The following SCARF2 variants were observed in gnomAD, a reference collection of about 807,000 sequenced individuals.
SCARF2 encodes scavenger receptor expressed by endothelial cells 2 protein.
In SCARF2, 39 loss-of-function variants were observed where a neutral mutation model predicts 73.4. That is an observed-to-expected ratio of 0.53 (90% CI 0.41 to 0.69). The LOEUF is 0.69. Among genes scored for constraint, SCARF2 ranks in the 30% least tolerant of loss-of-function variants. The probability of loss-of-function intolerance (pLI) is 0.00; values close to 1 mark genes in which losing one functional copy is unlikely to be tolerated. For missense variants in SCARF2, 1,148 were observed against 1,303.5 expected, an observed-to-expected ratio of 0.88 and a Z score of 1.84; for synonymous variants, 605 against 590.0, an observed-to-expected ratio of 1.03 and a Z score of -0.37.
chr22:20,429,607 G>A lies in SCARF2; in HGVS notation c.1353C>T (p.Val451=). The A allele has an allele frequency of 6.2e-7, 1 of 1,613,660 alleles. No homozygotes were observed. The highest frequency in any genetic ancestry group is 8.5e-7 in the Non-Finnish European group (1 of 1,179,920). ...KGVMGAGALL[V]LLVCLLLSLL... ...GCGAGAGCAGCAGGCAGACGAGCAG[G>A]ACGAGCAGCGCGCCCGCGCCCATCA... The change falls in exon 8 of 11, where the codon GTC becomes GTT. Residue 451 remains valine (V), a synonymous_variant. Transcript: ENST00000622235. The surrounding 1 kb of genome is among the most constrained non-coding windows in gnomAD (Gnocchi z 5.2).
rs761386931 is a variant in SCARF2, at chr22:20,430,425, T to A, written c.1202+4A>T. ...CAACCCCCTCCCGGTCCCGGGGCAC[T>A]CACTGGGGCCCGTGGACGCCAGGGC... On this transcript the variant is annotated splice_donor_region_variant and intron_variant, in intron 6 of 10. Coordinates refer to ENST00000622235, the MANE Select transcript of SCARF2 (RefSeq NM_182895.5). The A allele has an allele frequency of 1.3e-6, 2 of 1,587,672 alleles. No homozygotes were observed. The highest frequency in any genetic ancestry group is 1.7e-6 in the Non-Finnish European group (2 of 1,167,482).
At chr22:20,436,431 G>A (rs943898210) in intron 1 of SCARF2, among the ~76,000 whole-genome samples, 1 of 152,064 alleles carries the variant, frequency 6.6e-6, no homozygotes, top group African/African-American at 2.4e-5. Flanking sequence ...GGAGGCCCGG[G>A]AGTCCGCGGC....
intron 1 of SCARF2, among the ~76,000 whole-genome samples, chr22:20,436,163 G>GT (rs1486319694): frequency 6.6e-6 from 1 of 152,232 alleles, no homozygotes; most frequent in Non-Finnish European, 1.5e-5. Flanking sequence ...GCTGGGTAGG[G>GT]TGGCACCAGG....
Position 20,425,333 on chromosome 22 carries a change from C to T in SCARF2, c.*42G>A. 7.5e-7 allele frequency: 1 copy of T among 1,340,616 alleles called. No individual in the cohort carries two copies. The highest frequency in any genetic ancestry group is 9.6e-7 in the Non-Finnish European group (1 of 1,038,842). The allele number at this position is 1,340,616 out of a possible 1,614,324, so 83.0% of individuals were successfully genotyped here. A position where few individuals can be genotyped will look rare whatever the true frequency, so the allele number is the denominator to read the frequency against. On this transcript the variant is annotated 3_prime_UTR_variant, in exon 11 of 11. Coordinates refer to ENST00000622235, the MANE Select transcript of SCARF2 (RefSeq NM_182895.5). The surrounding 1 kb of genome is among the most constrained non-coding windows in gnomAD (Gnocchi z 4.6). ...GGGAGGTGTGGGGTGGCGGGCGGCGCTGCGAAGCTGAGGGAGCTGCGCGCG... is the reference window on the plus strand; with the variant it reads ...GGGAGGTGTGGGGTGGCGGGCGGCGTTGCGAAGCTGAGGGAGCTGCGCGCG...
Position 20,426,115 on chromosome 22 carries a change from C to T in SCARF2, c.1861G>A (p.Ala621Thr). ...SASSVEGPGG[A>T]LYARVARREA... is the part of the protein sequence containing the mutation. Reference sequence around the variant, plus strand: ...CGTCGGGCCACGCGCGCGTACAGAGCCCCTCCGGGCCCCTCCACGCTGGAC... The same window carrying T: ...CGTCGGGCCACGCGCGCGTACAGAGTCCCTCCGGGCCCCTCCACGCTGGAC... The change falls in exon 11 of 11, where the codon GCT becomes ACT. Residue 621 changes from alanine to threonine, a missense_variant. This residue lies in a region of SCARF2 where 437 missense variants were observed against 433.6 expected (regional missense o/e 1.01). Coordinates refer to ENST00000622235, the MANE Select transcript of SCARF2 (RefSeq NM_182895.5). 6.8e-7 allele frequency: 1 copy of T among 1,464,454 alleles called. No homozygotes were observed. Among genetic ancestry groups the T allele is most frequent in the East Asian group, 2.6e-5 (1 of 38,080 alleles). The allele number at this position is 1,464,454 out of a possible 1,614,324, so 90.7% of individuals were successfully genotyped here. A position where few individuals can be genotyped will look rare whatever the true frequency, so the allele number is the denominator to read the frequency against.
chr22:20,431,631 CCA>C, intron 3 of SCARF2, 94 bp from the exon 4 acceptor site: 1 of 1,541,654 alleles, frequency 6.5e-7, no homozygotes, highest in Non-Finnish European at 8.8e-7. Context: ...ACTCCAGCCG[CCA>C]CCTCTGGGGA....
chr22:20,426,516 G>A (rs1410407875), intron 10 of SCARF2, among the ~76,000 whole-genome samples: 2 of 152,356 alleles, frequency 1.3e-5, no homozygotes, highest in South Asian at 2.1e-4. Context: ...GCATTCCCGC[G>A]ACTGAAGCCC....
rs199752737 is a variant in SCARF2, at chr22:20,429,405, G to A, written c.1425-65C>T. 1.8e-5 allele frequency: 28 copies of A among 1,556,248 alleles called. No homozygotes were observed. The highest frequency in any genetic ancestry group is 2.3e-5 in the Non-Finnish European group (26 of 1,151,524). Reference sequence around the variant, plus strand: ...CGGGGCCCAGGGGCGATTAGATCTCGGCCGGAGCCAAGCACAGAAGGGGCG... The same window carrying A: ...CGGGGCCCAGGGGCGATTAGATCTCAGCCGGAGCCAAGCACAGAAGGGGCG... On this transcript the variant is annotated intron_variant, in intron 8 of 10. Coordinates refer to ENST00000622235, the MANE Select transcript of SCARF2 (RefSeq NM_182895.5). The surrounding 1 kb of genome is among the most constrained non-coding windows in gnomAD (Gnocchi z 5.2).
chr22:20,429,872 C>T lies in SCARF2; in HGVS notation c.1203-39G>A. 6.3e-7 allele frequency: 1 copy of T among 1,592,602 alleles called. No individual in the cohort carries two copies. Among genetic ancestry groups the T allele is most frequent in the Non-Finnish European group, 8.6e-7 (1 of 1,168,924 alleles). ...GGGTCAAGGCATGCCACAGCCGCCC[C>T]CCTAGGATGCCCCCTACCCTCACCC... On this transcript the variant is annotated intron_variant, in intron 6 of 10. Coordinates refer to ENST00000622235, the MANE Select transcript of SCARF2 (RefSeq NM_182895.5). This position sits in a 1 kb window ranked among gnomAD's most constrained non-coding sequence, Gnocchi z 5.2.
rs1249082562 is a variant in SCARF2, at chr22:20,425,510, C to T, written c.2466G>A (p.Pro822=). ...AGTCGGTCGCCGCCTTCTCAGGCCC[C>T]GGGGTTTCGGTCGCTGGGGGCGCGC... ...PARAPPATET[P]GPEKAATDLP... Residue 822 remains proline, a synonymous_variant, in exon 11 of 11, where the codon CCG becomes CCA. Coordinates refer to ENST00000622235, the MANE Select transcript of SCARF2 (RefSeq NM_182895.5). This position sits in a 1 kb window ranked among gnomAD's most constrained non-coding sequence, Gnocchi z 4.6. 2.2e-6 allele frequency: 3 copies of T among 1,355,282 alleles called. No homozygotes were observed. The highest frequency in any genetic ancestry group is 2.8e-6 in the Non-Finnish European group (3 of 1,055,578). 84.0% of individuals were successfully genotyped at this position (1,355,282 alleles called of 1,614,324 possible). A position where few individuals can be genotyped will look rare whatever the true frequency, so the allele number is the denominator to read the frequency against.
chr22:20,434,220 G>A (rs1379981181), intron 1 of SCARF2, among the ~76,000 whole-genome samples: 2 of 152,202 alleles, frequency 1.3e-5, no homozygotes, highest in African/African-American at 4.8e-5. Flanking sequence ...TTGAGCCCAA[G>A]GAGTTTGAGG....
rs1190158174 is a variant in SCARF2 at position 20,425,905 on chromosome 22, C to G, written c.2071G>C (p.Ala691Pro). The G allele has an allele frequency of 1.3e-6, 2 of 1,598,174 alleles. No homozygotes were observed. Among genetic ancestry groups the G allele is most frequent in the South Asian group, 2.2e-5 (2 of 89,516 alleles). ...PSPPPPGSEA[A>P]PSPSKRKRTP... ...CGTTTCCTCTTGCTGGGGCTGGGCG[C>G]GGCCTCGGAGCCTGGCGGCGGTGGT... Residue 691 changes from alanine (A) to proline (P), a missense_variant, in exon 11 of 11, where the codon GCG becomes CCG. Transcript: ENST00000622235. The surrounding 1 kb of genome is among the most constrained non-coding windows in gnomAD (Gnocchi z 4.6).
rs750652263 is a variant in SCARF2 at position 20,429,296 on chromosome 22, C to G, written c.1469G>C (p.Gly490Ala). 1 of 1,613,520 alleles carries G rather than the reference C, an allele frequency of 6.2e-7. No individual in the cohort carries two copies. The highest frequency in any genetic ancestry group is 8.5e-7 in the Non-Finnish European group (1 of 1,180,014). The change falls in exon 9 of 11, where the codon GGG becomes GCG. Residue 490 changes from glycine (G) to alanine (A), a missense_variant. Coordinates refer to ENST00000622235, the MANE Select transcript of SCARF2 (RefSeq NM_182895.5). The surrounding 1 kb of genome is among the most constrained non-coding windows in gnomAD (Gnocchi z 5.2). ...GRKKAPHRLC[G>A]RFSRISMKLP... The stretch of plus-strand genomic sequence containing the variant: ...CTTCATGCTGATGCGACTGAAGCGC[C>G]CGCATAGTCGGTGCGGCGCCTTCTT...
rs796523831 is a variant in SCARF2, at chr22:20,425,523, G to A, written c.2453C>T (p.Ala818Val). The change falls in exon 11 of 11, where the codon GCG (alanine) becomes GTG (valine). Residue 818 changes from alanine (A) to valine (V), a missense_variant. Physicochemically the swap from Ala to Val is moderately conservative, Grantham distance 64. Coordinates refer to ENST00000622235, the MANE Select transcript of SCARF2 (RefSeq NM_182895.5). This position sits in a 1 kb window ranked among gnomAD's most constrained non-coding sequence, Gnocchi z 4.6. ...PPASPARAPP[A>V]TETPGPEKAA... is the part of the protein sequence containing the mutation. The stretch of plus-strand genomic sequence containing the variant: ...CTTCTCAGGCCCCGGGGTTTCGGTC[G>A]CTGGGGGCGCGCGGGCGGGCGAGGC... 1.5e-6 allele frequency: 2 copies of A among 1,348,678 alleles called. No individual in the cohort carries two copies. The highest frequency in any genetic ancestry group is 1.9e-6 in the Non-Finnish European group (2 of 1,053,042). 83.5% of individuals were successfully genotyped at this position (1,348,678 alleles called of 1,614,324 possible).
chr22:20,432,544 G>T (rs1009965091), intron 1 of SCARF2, among the ~76,000 whole-genome samples: 1 of 152,194 alleles, frequency 6.6e-6, no homozygotes, highest in Non-Finnish European at 1.5e-5. Flanking sequence ...TGTAGACACA[G>T]TGAGGTGACC....
At position 20,429,162 on chromosome 22, in the gene SCARF2, T is replaced by C; in HGVS notation, c.1540+63A>G. 1 of 1,608,390 alleles carries C rather than the reference T, an allele frequency of 6.2e-7. No individual in the cohort carries two copies. Among genetic ancestry groups the C allele is most frequent in the Non-Finnish European group, 8.5e-7 (1 of 1,175,476 alleles). The stretch of plus-strand genomic sequence containing the variant: ...TGAGATCTGGACCCCCTCACACCCA[T>C]TTCCCAGCAGCTTCCTGCGTCGAGA... On this transcript the variant is annotated intron_variant, in intron 9 of 10. Coordinates refer to ENST00000622235, the MANE Select transcript of SCARF2 (RefSeq NM_182895.5). This position sits in a 1 kb window ranked among gnomAD's most constrained non-coding sequence, Gnocchi z 5.2.
At chr22:20,432,018 G>A (rs1456879816) in intron 1 of SCARF2, 30 bp from the exon 2 acceptor site, 2 of 1,593,104 alleles carry the variant, frequency 1.3e-6, no homozygotes, top group South Asian at 1.1e-5. Context: ...ATCTAAGCCC[G>A]ATGCCCCTCC....
In SCARF2 at chr22:20,431,856, A is replaced by G. The variant is rs567416257; in HGVS notation, c.233-10T>C. ...TTGCCTTCGCACACCGCTGTGGACG[A>G]GACAGGCCAGAGCTGCTGCGCGTCC... On this transcript the variant is annotated splice_polypyrimidine_tract_variant and intron_variant, in intron 2 of 10. Transcript: ENST00000622235. 28 of 1,597,054 alleles carry G rather than the reference A, an allele frequency of 1.8e-5. No homozygotes were observed. Among genetic ancestry groups the G allele is most frequent in the Middle Eastern group, 1.7e-4 (1 of 6,034 alleles).
chr22:20,424,940 G>C lies in SCARF2; in HGVS notation c.*435C>G, dbSNP rs554085851. On this transcript the variant is annotated 3_prime_UTR_variant, in exon 11 of 11. Transcript: ENST00000622235. ...TCTATTGGGACGGCCAAGGGAGGGA[G>C]CCTCCAGCCAGAGGCACCAGGCCCT... 6.2e-6 allele frequency: 1 copy of C among 160,642 alleles called. No individual in the cohort carries two copies. Among genetic ancestry groups the C allele is most frequent in the Admixed American group, 6.5e-5 (1 of 15,484 alleles). 10.0% of individuals were successfully genotyped at this position (160,642 alleles called of 1,614,324 possible).
Sources: gnomAD v4.1 joint callset for allele counts (sites outside exome capture counted in the v4.1 genomes callset) on GRCh38, gnomAD v4.1.1 for gene constraint, gnomAD v4.1.1 regional missense constraint, Gnocchi (gnomAD v3.1) non-coding constraint, MANE v1.5 for transcripts, NCBI Gene and HGNC (gene_info 2026-07-23, HGNC 2026-07-21) for gene names.